The following TRIO variants were observed in gnomAD, a reference collection of about 807,000 sequenced individuals.
TRIO encodes the protein triple functional domain protein.
In TRIO, 58 loss-of-function variants were observed where a neutral mutation model predicts 351.9. The ratio of observed to expected loss-of-function variants is 0.16; its 90% CI spans 0.13 to 0.21. The LOEUF (loss-of-function observed/expected upper bound fraction) is 0.21, where lower values mean the gene tolerates loss of function less well. Ranked by LOEUF, TRIO falls within the 10% of genes least tolerant of loss-of-function variation. TRIO has a pLI of 1.00. For synonymous variants in TRIO, 1,758 were observed against 1,595.7 expected (o/e 1.10, Z -2.42); for missense variants, 3,201 against 4,027.8 (o/e 0.79, Z 5.56).
At chr5:14,195,786 A>G (rs543769541) in intron 1 of TRIO, among the ~76,000 whole-genome samples, 2 of 152,094 alleles carry the variant, frequency 1.3e-5, no homozygotes, top group Admixed American at 6.5e-5. Flanking sequence ...GATTGACTGG[A>G]TTGCTCCGAT....
At position 14,336,676 on chromosome 5, in the gene TRIO, G is replaced by A; in HGVS notation, c.1995G>A (p.Gln665=). The A allele has an allele frequency of 1.2e-6, 2 of 1,614,244 alleles. No individual in the cohort carries two copies. The highest frequency in any genetic ancestry group is 8.5e-7 in the Non-Finnish European group (1 of 1,180,044). The change falls in exon 11 of 57, where the codon CAG becomes CAA. Residue 665 remains glutamine, a synonymous_variant. Coordinates refer to ENST00000344204, the MANE Select transcript of TRIO (RefSeq NM_007118.4). The part of the protein sequence containing the change: ...RIQDFVRRVE[Q]RKILLDMSVS... Reference sequence around the variant, plus strand: ...AAGATTTCGTTCGGCGTGTTGAGCAGCGAAAGATCCTACTGGACATGTCAG... The same window carrying A: ...AAGATTTCGTTCGGCGTGTTGAGCAACGAAAGATCCTACTGGACATGTCAG...
At chr5:14,392,299 A>G (rs1302208952) in intron 27 of TRIO, among the ~76,000 whole-genome samples, 1 of 152,236 alleles carries the variant, frequency 6.6e-6, no homozygotes, top group Non-Finnish European at 1.5e-5. Context: ...TTTTCAAAAG[A>G]AGACATTTAT....
intron 36 of TRIO, 45 bp downstream of exon 36, chr5:14,462,970 G>T (rs1332132273): frequency 2.4e-5 from 37 of 1,514,154 alleles, no homozygotes; most frequent in Non-Finnish European, 3.3e-5. Context: ...GCCGTGCAGG[G>T]GCAGGGCACG....
intron 14 of TRIO, among the ~76,000 whole-genome samples, chr5:14,364,305 G>A (rs1744410146): frequency 6.6e-6 from 1 of 152,132 alleles, no homozygotes; most frequent in South Asian, 2.1e-4. Context: ...GCAACAACCT[G>A]CATACTGCAT....
At chr5:14,492,842 G>A (rs766418102) in intron 49 of TRIO, 28 bp downstream of exon 49, 14 of 1,606,186 alleles carry the variant, frequency 8.7e-6, no homozygotes, top group Non-Finnish European at 1.0e-5. Context: ...ACGGCGTCCT[G>A]GCAGGCAGCA....
At chr5:14,500,480 G>A (rs945440335) in intron 53 of TRIO, among the ~76,000 whole-genome samples, 2 of 152,180 alleles carry the variant, frequency 1.3e-5, no homozygotes, top group African/African-American at 4.8e-5. Flanking sequence ...GGGGAGTCCT[G>A]AGGCTGGAGG....
At chr5:14,369,230 A>G (rs2152344234) in intron 17 of TRIO, 144 bp from the exon 18 acceptor site, 1 of 1,203,936 alleles carries the variant, frequency 8.3e-7, no homozygotes, top group East Asian at 2.5e-5. Context: ...TTCTCCAGCC[A>G]GGTGGAGCCC....
At chr5:14,491,787 T>G (rs1756507524) in intron 48 of TRIO, among the ~76,000 whole-genome samples, 2 of 152,120 alleles carry the variant, frequency 1.3e-5, no homozygotes, top group Admixed American at 6.5e-5. Flanking sequence ...GGGGTACGCA[T>G]CCCACACCAG....
chr5:14,147,945 C>T (rs1402843980), intron 1 of TRIO, among the ~76,000 whole-genome samples: 1 of 152,106 alleles, frequency 6.6e-6, no homozygotes, highest in East Asian at 1.9e-4. Flanking sequence ...TTGGTTTCTC[C>T]TTTTTAGGTG....
intron 1 of TRIO, among the ~76,000 whole-genome samples, chr5:14,157,904 A>G (rs889146604): frequency 1.3e-5 from 2 of 152,074 alleles, no homozygotes; most frequent in East Asian, 1.9e-4. Flanking sequence ...GTGTTTTTCT[A>G]CATTAAATGA....
At chr5:14,365,573 A>G (rs777291201) in intron 15 of TRIO, among the ~76,000 whole-genome samples, 20 of 152,228 alleles carry the variant, frequency 1.3e-4, no homozygotes, top group Non-Finnish European at 2.1e-4. Flanking sequence ...TTACATATAA[A>G]TAAGTGTTGT....
chr5:14,223,342 G>A (rs550763496), intron 1 of TRIO, among the ~76,000 whole-genome samples: 1 of 152,256 alleles, frequency 6.6e-6, no homozygotes, highest in South Asian at 2.1e-4. Context: ...ATCATTCGTT[G>A]GCACCCTGCA....
chr5:14,393,996 A>G (rs1747337848), intron 27 of TRIO, 42 bp from the exon 28 acceptor site: 2 of 1,353,956 alleles, frequency 1.5e-6, no homozygotes, highest in East Asian at 4.6e-5. Flanking sequence ...TTAATAGTGT[A>G]GCCCTATGAT....
intron 34 of TRIO, among the ~76,000 whole-genome samples, chr5:14,455,574 G>C (rs1753224574): frequency 6.6e-6 from 1 of 150,928 alleles, no homozygotes; most frequent in Non-Finnish European, 1.5e-5. Flanking sequence ...CACTAGATTA[G>C]CTAGACACAG....
chr5:14,318,975 G>C (rs1291368849), intron 9 of TRIO, among the ~76,000 whole-genome samples: 1 of 151,932 alleles, frequency 6.6e-6, no homozygotes, highest in Non-Finnish European at 1.5e-5. Flanking sequence ...CTCATGCTTA[G>C]GTTAGAAAAG....
chr5:14,426,215 T>C (rs539945999), intron 34 of TRIO, among the ~76,000 whole-genome samples: 2 of 118,454 alleles, frequency 1.7e-5, no homozygotes, highest in African/African-American at 5.2e-5. Context: ...TTTCGTCTCA[T>C]AGACGCACAT....
intron 6 of TRIO, among the ~76,000 whole-genome samples, chr5:14,295,684 G>A (rs571329806): frequency 2.0e-4 from 31 of 152,176 alleles, no homozygotes; most frequent in Non-Finnish European, 3.4e-4. Context: ...TTTACTAGGA[G>A]GGAGGAAAAG....
intron 1 of TRIO, among the ~76,000 whole-genome samples, chr5:14,213,804 A>G (rs1267058832): frequency 6.6e-6 from 1 of 152,222 alleles, no homozygotes; most frequent in East Asian, 1.9e-4. Context: ...GGTTTATTCA[A>G]GTAAGACAAT....
Position 14,487,447 on chromosome 5 carries a change from G to T in TRIO, c.6836-17G>T, listed in dbSNP as rs778611587. ...TTGGCGCCCTGACCCAGTCTCTCCC[G>T]CTGTCTTGTCTTACAGCCTTGACAT... On this transcript the variant is annotated splice_polypyrimidine_tract_variant and intron_variant, in intron 47 of 56. Transcript: ENST00000344204. The T allele has an allele frequency of 9.1e-7, 1 of 1,098,916 alleles. No individual in the cohort carries two copies. The highest frequency in any genetic ancestry group is 1.1e-6 in the Non-Finnish European group (1 of 885,034). The allele number at this position is 1,098,916 out of a possible 1,614,324, so 68.1% of individuals were successfully genotyped here. A position where few individuals can be genotyped will look rare whatever the true frequency, so the allele number is the denominator to read the frequency against.
Sources: gnomAD v4.1 joint callset for allele counts (sites outside exome capture counted in the v4.1 genomes callset) on GRCh38, gnomAD v4.1.1 for gene constraint, MANE v1.5 for transcripts, NCBI Gene and HGNC (gene_info 2026-07-23, HGNC 2026-07-21) for gene names.